CBLB: variants seen among roughly 807,000 people sequenced by gnomAD.
CBLB encodes the protein E3 ubiquitin-protein ligase CBL-B.
CBLB carries 31 observed loss-of-function variants against 104.9 expected under a neutral mutation model. That is an observed-to-expected ratio of 0.30 (90% confidence interval 0.22 to 0.40). The LOEUF is 0.40. Ranked by LOEUF, CBLB falls within the 10% of genes least tolerant of loss-of-function variation. CBLB has a pLI of 1.00. For synonymous variants in CBLB, 440 were observed against 422.6 expected, an observed-to-expected ratio of 1.04 and a Z score of -0.51; for missense variants, 1,062 against 1,214.6, an observed-to-expected ratio of 0.87 and a Z score of 1.87.
At chr3:105,845,666 C>T (rs960618246) in intron 3 of CBLB, among the ~76,000 whole-genome samples, 1 of 151,980 alleles carries the variant, frequency 6.6e-6, no homozygotes, top group African/African-American at 2.4e-5. Context: ...CCATAAAGTC[C>T]TTAACAGTCA....
chr3:105,807,886 T>A (rs28715909), intron 3 of CBLB, among the ~76,000 whole-genome samples: 2 of 152,050 alleles, frequency 1.3e-5, no homozygotes, highest in Non-Finnish European at 2.9e-5. Flanking sequence ...ATGATACAAC[T>A]AGTTGGAAAT....
At chr3:105,757,180 G>A (rs913792287) in intron 4 of CBLB, among the ~76,000 whole-genome samples, 1 of 152,072 alleles carries the variant, frequency 6.6e-6, no homozygotes, top group African/African-American at 2.4e-5. Context: ...TCTGTGTTAG[G>A]TTGTTTTAGC....
intron 18 of CBLB, among the ~76,000 whole-genome samples, chr3:105,662,045 G>A (rs1248310944): frequency 6.6e-6 from 1 of 152,176 alleles, no homozygotes; most frequent in Admixed American, 6.6e-5. Flanking sequence ...CCTTCTAGCA[G>A]AATATTAAAA....
chr3:105,705,925 C>T (rs961247580), intron 10 of CBLB, among the ~76,000 whole-genome samples: 2 of 152,150 alleles, frequency 1.3e-5, no homozygotes, highest in Admixed American at 1.3e-4. Context: ...TGCTTGAAGC[C>T]AGGAGTTTGA....
intron 2 of CBLB, 126 bp downstream of exon 2, chr3:105,867,284 A>G (rs528002835): frequency 1.1e-5 from 11 of 992,394 alleles, no homozygotes; most frequent in South Asian, 8.0e-5. Flanking sequence ...AAGAAAAATG[A>G]TGAATTGAAA....
At chr3:105,691,685 T>C (rs541409981) in intron 13 of CBLB, among the ~76,000 whole-genome samples, 1 of 152,338 alleles carries the variant, frequency 6.6e-6, no homozygotes, top group African/African-American at 2.4e-5. Context: ...ATGTTGTCAC[T>C]GATTTAGAGC....
At chr3:105,789,165 G>A (rs1468235230) in intron 3 of CBLB, among the ~76,000 whole-genome samples, 1 of 152,150 alleles carries the variant, frequency 6.6e-6, no homozygotes, top group Non-Finnish European at 1.5e-5. Context: ...CTGATAAAGA[G>A]TATGCATTCA....
intron 4 of CBLB, among the ~76,000 whole-genome samples, chr3:105,758,776 C>T (rs2077313268): frequency 6.6e-6 from 1 of 152,240 alleles, no homozygotes; most frequent in Non-Finnish European, 1.5e-5. Flanking sequence ...GTGGCTTCCA[C>T]TGTGGGCACC....
chr3:105,719,794 G>C (rs941242599), intron 10 of CBLB, among the ~76,000 whole-genome samples: 2 of 152,146 alleles, frequency 1.3e-5, no homozygotes, highest in African/African-American at 4.8e-5. Flanking sequence ...AGGTATTCTA[G>C]AAGAAGGCGT....
chr3:105,786,541 C>A (rs1355073223), intron 3 of CBLB, among the ~76,000 whole-genome samples: 1 of 152,118 alleles, frequency 6.6e-6, no homozygotes, highest in African/African-American at 2.4e-5. Flanking sequence ...AGTGTTAGTC[C>A]TTCCCCCATA....
At chr3:105,791,213 T>G (rs926526768) in intron 3 of CBLB, among the ~76,000 whole-genome samples, 3 of 152,228 alleles carry the variant, frequency 2.0e-5, no homozygotes, top group East Asian at 1.9e-4. Context: ...AAGAAAACAA[T>G]AGTGCACAGA....
rs2076058335 is a variant in CBLB, at chr3:105,745,910, G to A, written c.845+7C>T. 6.2e-7 allele frequency: 1 copy of A among 1,610,490 alleles called. No individual in the cohort carries two copies. ...TATCACATAATATTACTGCTAAAAA[G>A]TCTTACCTTCCGGGTTTGGTGCTAT... On this transcript the variant is annotated splice_region_variant and intron_variant, in intron 6 of 18. Transcript: ENST00000394030.
chr3:105,757,633 A>T (rs1457660972), intron 4 of CBLB, among the ~76,000 whole-genome samples: 2 of 152,238 alleles, frequency 1.3e-5, no homozygotes, highest in African/African-American at 4.8e-5. Flanking sequence ...TCAATCATAT[A>T]TTTAAATTTT....
At chr3:105,803,445 G>A (rs566996336) in intron 3 of CBLB, among the ~76,000 whole-genome samples, 2 of 152,174 alleles carry the variant, frequency 1.3e-5, no homozygotes, top group South Asian at 4.1e-4. Context: ...GACGTTCAGA[G>A]TTCATTTTCA....
At chr3:105,758,437 A>G (rs1399322131) in intron 4 of CBLB, among the ~76,000 whole-genome samples, 1 of 152,202 alleles carries the variant, frequency 6.6e-6, no homozygotes, top group African/African-American at 2.4e-5. Flanking sequence ...GATAAGCACT[A>G]CTGTCGCTTA....
At chr3:105,786,070 G>GGGGGGAGGGGGGA (rs1560234293) in intron 3 of CBLB, among the ~76,000 whole-genome samples, 1 of 140,130 alleles carries the variant, frequency 7.1e-6, no homozygotes, top group Non-Finnish European at 1.6e-5. Flanking sequence ...TCGGGGGGGG[G>GGGGGGAGGGGGGA]AAAGTGGGTA....
At chr3:105,826,799 CA>C (rs1377033822) in intron 3 of CBLB, among the ~76,000 whole-genome samples, 1 of 152,086 alleles carries the variant, frequency 6.6e-6, no homozygotes, top group African/African-American at 2.4e-5. Context: ...GACCAGGAGA[CA>C]GGGGATGTGG....
chr3:105,867,312 T>C lies in CBLB; in HGVS notation c.168+98A>G, dbSNP rs141536449. ...AATTGAAATCAAAAGATTGTTGCCA[T>C]AACAATGGTTGGTATTAATTAACAG... On this transcript the variant is annotated intron_variant, in intron 2 of 18. Transcript: ENST00000394030. 6.1e-5 allele frequency: 67 copies of C among 1,107,068 alleles called. No individual in the cohort carries two copies. In the African/African-American group the frequency reaches 8.4e-4, roughly 14 times the overall value. 68.6% of individuals were successfully genotyped at this position (1,107,068 alleles called of 1,614,324 possible).
At chr3:105,714,543 T>G (rs1463061518) in intron 10 of CBLB, among the ~76,000 whole-genome samples, 1 of 152,142 alleles carries the variant, frequency 6.6e-6, no homozygotes, top group African/African-American at 2.4e-5. Context: ...CCATGTGCAG[T>G]TCAAAATAGA....
Sources: gnomAD v4.1 joint callset for allele counts (sites outside exome capture counted in the v4.1 genomes callset) on GRCh38, gnomAD v4.1.1 for gene constraint, MANE v1.5 for transcripts, NCBI Gene and HGNC (gene_info 2026-07-23, HGNC 2026-07-21) for gene names.